LHFPL3: variants seen among roughly 807,000 people sequenced by gnomAD.
LHFPL3 encodes the protein LHFPL tetraspan subfamily member 3 protein.
Under a neutral mutation model 19.3 loss-of-function variants are expected in LHFPL3, and 5 were observed. The observed-to-expected ratio is 0.26, with a 90% CI of 0.14 to 0.54. LHFPL3 has a LOEUF of 0.54. LHFPL3 is among the 20% of genes least tolerant of loss of function. The pLI is 0.94. For synonymous variants in LHFPL3, 133 were observed against 126.2 expected (o/e 1.05, Z -0.36); for missense variants, 249 against 307.4 (o/e 0.81, Z 1.42).
chr7:104,730,782 G>C (rs1793685089), intron 1 of LHFPL3, among the ~76,000 whole-genome samples: 1 of 152,150 alleles, frequency 6.6e-6, no homozygotes. Flanking sequence ...GGCTTTTGTT[G>C]CCATTACTTT....
chr7:104,633,489 C>T (rs991229930), intron 1 of LHFPL3, among the ~76,000 whole-genome samples: 1 of 152,160 alleles, frequency 6.6e-6, no homozygotes, highest in Non-Finnish European at 1.5e-5. Context: ...CGCAGTTTCT[C>T]ATCCCCATCA....
chr7:104,564,828 A>G (rs564622555), intron 1 of LHFPL3, among the ~76,000 whole-genome samples: 1 of 152,284 alleles, frequency 6.6e-6, no homozygotes, highest in Admixed American at 6.5e-5. Flanking sequence ...TCTGTGGGAG[A>G]AAAGTGTGCC....
intron 2 of LHFPL3, among the ~76,000 whole-genome samples, chr7:104,881,185 A>G (rs1424433674): frequency 1.3e-5 from 2 of 149,198 alleles, no homozygotes; most frequent in Non-Finnish European, 1.5e-5. Flanking sequence ...AAAAAAAAAA[A>G]AAAAGAAATA....
intron 2 of LHFPL3, among the ~76,000 whole-genome samples, chr7:104,863,822 T>G (rs1205656379): frequency 9.9e-5 from 15 of 152,214 alleles, no homozygotes; most frequent in Admixed American, 9.8e-4. Context: ...CTCACTCCAC[T>G]TTCACACCTG....
chr7:104,420,936 G>T (rs2116533466), intron 1 of LHFPL3, among the ~76,000 whole-genome samples: 1 of 152,304 alleles, frequency 6.6e-6, no homozygotes, highest in Non-Finnish European at 1.5e-5. Flanking sequence ...ATGTGGGAAA[G>T]CAGAGAAAAG....
intron 1 of LHFPL3, among the ~76,000 whole-genome samples, chr7:104,574,187 A>G (rs1033970229): frequency 9.2e-5 from 14 of 152,316 alleles, no homozygotes; most frequent in South Asian, 2.1e-4. Flanking sequence ...ATGACTGTCA[A>G]TCAGAGAAAG....
intron 1 of LHFPL3, among the ~76,000 whole-genome samples, chr7:104,508,452 A>T (rs1793743530): frequency 3.5e-5 from 4 of 114,860 alleles, no homozygotes; most frequent in Non-Finnish European, 4.9e-5. Context: ...CACTCTGGGG[A>T]CTATTGTGGG....
At chr7:104,521,647 AG>A (rs1166947212) in intron 1 of LHFPL3, among the ~76,000 whole-genome samples, 3 of 152,210 alleles carry the variant, frequency 2.0e-5, no homozygotes, top group Non-Finnish European at 4.4e-5. Context: ...CATCTGACAA[AG>A]GGCTAATATC....
chr7:104,828,025 G>A (rs755569456), intron 2 of LHFPL3, among the ~76,000 whole-genome samples: 16 of 151,950 alleles, frequency 1.1e-4, no homozygotes, highest in South Asian at 2.1e-4. Flanking sequence ...TTCTTCTGTG[G>A]ACTAGACCCC....
chr7:104,627,803 T>G (rs1031363634), intron 1 of LHFPL3, among the ~76,000 whole-genome samples: 4 of 152,204 alleles, frequency 2.6e-5, no homozygotes, highest in African/African-American at 9.6e-5. Flanking sequence ...TCTGAACTTC[T>G]AAAACTTGAC....
At chr7:104,738,838 A>C (rs1180417399) in intron 2 of LHFPL3, 3 of 152,134 alleles carry the variant, frequency 2.0e-5, no homozygotes, top group African/African-American at 7.2e-5. Flanking sequence ...TGATATATTA[A>C]ACCACCTTGC....
chr7:104,557,856 G>C (rs1333347627), intron 1 of LHFPL3, among the ~76,000 whole-genome samples: 2 of 148,518 alleles, frequency 1.3e-5, no homozygotes, highest in Non-Finnish European at 3.0e-5. Flanking sequence ...AGTCCCCAGA[G>C]TGTGATATTC....
intron 2 of LHFPL3, among the ~76,000 whole-genome samples, chr7:104,899,211 G>A (rs1792434509): frequency 6.6e-6 from 1 of 152,018 alleles, no homozygotes; most frequent in Non-Finnish European, 1.5e-5. Context: ...CTTCATGACA[G>A]GTTGGAAAGG....
At chr7:104,896,813 C>G (rs754068125) in intron 2 of LHFPL3, among the ~76,000 whole-genome samples, 1 of 152,110 alleles carries the variant, frequency 6.6e-6, no homozygotes, top group Non-Finnish European at 1.5e-5. Flanking sequence ...GGGCTGGGCT[C>G]GGTGGCTCAT....
At chr7:104,747,437 G>A (rs190839797) in intron 2 of LHFPL3, among the ~76,000 whole-genome samples, 18 of 152,286 alleles carry the variant, frequency 1.2e-4, no homozygotes, top group East Asian at 1.2e-3. Flanking sequence ...AGAATCCCCC[G>A]TGTAGAAAAT....
chr7:104,904,467 A>T (rs1369600167), intron 2 of LHFPL3, among the ~76,000 whole-genome samples: 4 of 152,210 alleles, frequency 2.6e-5, no homozygotes, highest in African/African-American at 9.6e-5. Context: ...CCTGGCCAAC[A>T]TGGCAAAACC....
intron 1 of LHFPL3, among the ~76,000 whole-genome samples, chr7:104,688,636 A>G (rs1792848801): frequency 1.3e-5 from 2 of 151,756 alleles, no homozygotes; most frequent in Admixed American, 1.3e-4. Context: ...GTCTGAGGAG[A>G]TTACCCATGC....
intron 2 of LHFPL3, among the ~76,000 whole-genome samples, chr7:104,742,832 T>C (rs1435059384): frequency 6.6e-6 from 1 of 152,100 alleles, no homozygotes; most frequent in Non-Finnish European, 1.5e-5. Flanking sequence ...CTTGTTAGTA[T>C]GCAGTGTTGA....
intron 1 of LHFPL3, among the ~76,000 whole-genome samples, chr7:104,410,023 G>C (rs939620892): frequency 6.6e-6 from 1 of 152,046 alleles, no homozygotes; most frequent in Admixed American, 6.6e-5. Context: ...AATTAGATCT[G>C]GTCTGATGTA....
Sources: gnomAD v4.1 joint callset for allele counts (sites outside exome capture counted in the v4.1 genomes callset) on GRCh38, gnomAD v4.1.1 for gene constraint, MANE v1.5 for transcripts, NCBI Gene and HGNC (gene_info 2026-07-23, HGNC 2026-07-21) for gene names.